Variants in PAPPA observed in about 807,000 individuals in gnomAD.
The protein encoded by PAPPA is pappalysin 1, also known as pappalysin-1.
A neutral mutation model predicts 164.0 loss-of-function variants in PAPPA; 60 were observed. The observed-to-expected ratio is 0.37, with a 90% CI of 0.30 to 0.45. The LOEUF (loss-of-function observed/expected upper bound fraction) is 0.45, where lower values mean the gene tolerates loss of function less well. PAPPA is among the 20% of genes least tolerant of loss of function. The probability of loss-of-function intolerance (pLI) is 1.00; values close to 1 mark genes in which losing one functional copy is unlikely to be tolerated. For missense variants in PAPPA, 1,782 were observed against 2,087.3 expected (o/e 0.85, Z 2.85); for synonymous variants, 875 against 814.1 (o/e 1.07, Z -1.27).
rs1237936386 is a variant in PAPPA at position 116,400,007 on chromosome 9, T to A, written c.*3391T>A. 1.3e-5 allele frequency: 2 copies of A among 152,400 alleles called. No homozygotes were observed. Among genetic ancestry groups the A allele is most frequent in the African/African-American group, 4.8e-5 (2 of 41,380 alleles). The allele number at this position is 152,400 out of a possible 1,614,324, so 9.4% of individuals were successfully genotyped here. ...GTAATTGTCAATTTGTTGTTATAGG[T>A]CTTACCTGTGTGAAAGAAAGAAAAA... On this transcript the variant is annotated 3_prime_UTR_variant, in exon 22 of 22. Transcript: ENST00000328252.
At chr9:116,295,261 T>C (rs1023560999) in intron 9 of PAPPA, among the ~76,000 whole-genome samples, 1 of 151,996 alleles carries the variant, frequency 6.6e-6, no homozygotes, top group African/African-American at 2.4e-5. Context: ...AATTATATAT[T>C]GAAAAGTGGG....
At chr9:116,192,899 T>C (rs1844060279) in intron 2 of PAPPA, among the ~76,000 whole-genome samples, 1 of 152,142 alleles carries the variant, frequency 6.6e-6, no homozygotes, top group South Asian at 2.1e-4. Context: ...CTGAAGACTG[T>C]AGCTACCTCA....
intron 13 of PAPPA, among the ~76,000 whole-genome samples, chr9:116,335,865 T>C (rs959084439): frequency 1.3e-5 from 2 of 152,226 alleles, no homozygotes; most frequent in Non-Finnish European, 2.9e-5. Context: ...GGGTTACATG[T>C]TGCACTATAG....
intron 17 of PAPPA, among the ~76,000 whole-genome samples, chr9:116,359,160 G>C (rs1482659826): frequency 6.6e-6 from 1 of 152,152 alleles, no homozygotes; most frequent in Non-Finnish European, 1.5e-5. Context: ...CATGACACTA[G>C]CATCATTTGA....
Position 116,331,269 on chromosome 9 carries a change from T to C in PAPPA, c.3173T>C (p.Leu1058Pro). ...GTGTGTCGAACCAAGGTGATAGATC[T>C]CAGTGAAGGCATTTCCCAGCATGCC... is the stretch of plus-strand genomic sequence containing the variant. ...SQVCRTKVID[L>P]SEGISQHAWY... The change falls in exon 11 of 22, where the codon CTC becomes CCC. Residue 1058 changes from leucine (L) to proline (P), a missense_variant. Coordinates refer to ENST00000328252, the MANE Select transcript of PAPPA (RefSeq NM_002581.5). The C allele has an allele frequency of 6.2e-7, 1 of 1,611,950 alleles. No individual in the cohort carries two copies. The highest frequency in any genetic ancestry group is 8.5e-7 in the Non-Finnish European group (1 of 1,178,038).
In PAPPA at chr9:116,396,730, C is replaced by A; in HGVS notation, c.*114C>A. The A allele has an allele frequency of 1.5e-6, 1 of 660,630 alleles. No homozygotes were observed. The highest frequency in any genetic ancestry group is 2.8e-6 in the Non-Finnish European group (1 of 361,188). 40.9% of individuals were successfully genotyped at this position (660,630 alleles called of 1,614,324 possible). On this transcript the variant is annotated 3_prime_UTR_variant, in exon 22 of 22. Coordinates refer to ENST00000328252, the MANE Select transcript of PAPPA (RefSeq NM_002581.5). ...GCCTCTCCACACCAGGGATCCTTAGCACCCAACCGGTCTGCCTTTAATTTT... is the reference window on the plus strand; with the variant it reads ...GCCTCTCCACACCAGGGATCCTTAGAACCCAACCGGTCTGCCTTTAATTTT...
Position 116,261,795 on chromosome 9 carries a change from C to G in PAPPA, c.2733-4062C>G, listed in dbSNP as rs569299206. On this transcript the variant is annotated intron_variant, in intron 7 of 21. Coordinates refer to ENST00000328252, the MANE Select transcript of PAPPA (RefSeq NM_002581.5). ...AGATCATATCAACCAGAAATGCCAG[C>G]ATTTTTGTTTCTAATTATCAGAAAT... Among the ~76,000 whole-genome samples, 241 of 152,240 alleles carry G rather than the reference C, an allele frequency of 1.6e-3. 2 individuals carry two copies. In the South Asian group the frequency reaches 0.023, roughly 14 times the overall value.
chr9:116,389,660 T>G (rs928265009), intron 21 of PAPPA, among the ~76,000 whole-genome samples: 1 of 152,112 alleles, frequency 6.6e-6, no homozygotes, highest in African/African-American at 2.4e-5. Flanking sequence ...GCAATTTCTT[T>G]GGCTAAGAAC....
Position 116,231,627 on chromosome 9 carries a change from ATAGT to A in PAPPA, c.2234-3509_2234-3506del, listed in dbSNP as rs371745663. On this transcript the variant is annotated intron_variant, in intron 6 of 21. Coordinates refer to ENST00000328252, the MANE Select transcript of PAPPA (RefSeq NM_002581.5). ...TACCTCTGGACACACCTGGCACTGA[ATAGT>A]TACTCTTTGAATGCATGGAATGAAT... is the stretch of plus-strand genomic sequence containing the variant. 2.0e-4 allele frequency among the ~76,000 whole-genome samples: 30 copies of A among 152,006 alleles called. No homozygotes were observed. The East Asian group carries it at 5.6e-3, about 28-fold the overall frequency.
intron 9 of PAPPA, among the ~76,000 whole-genome samples, chr9:116,280,873 G>A (rs1460304559): frequency 6.6e-6 from 1 of 152,192 alleles, no homozygotes; most frequent in Non-Finnish European, 1.5e-5. Context: ...GGACCACAAA[G>A]CCAAAATATT....
intron 7 of PAPPA, among the ~76,000 whole-genome samples, chr9:116,262,159 G>A (rs1386395741): frequency 4.0e-5 from 6 of 151,204 alleles, no homozygotes; most frequent in Non-Finnish European, 7.4e-5. Flanking sequence ...AGGCTACAGT[G>A]AGAGCTGTGA....
At chr9:116,204,506 C>T (rs1844208645) in intron 2 of PAPPA, among the ~76,000 whole-genome samples, 1 of 152,178 alleles carries the variant, frequency 6.6e-6, no homozygotes, top group South Asian at 2.1e-4. Flanking sequence ...CCTTGAACTC[C>T]TGGGCCCAAG....
At chr9:116,167,128 A>G (rs1843727477) in intron 1 of PAPPA, among the ~76,000 whole-genome samples, 1 of 149,940 alleles carries the variant, frequency 6.7e-6, no homozygotes, top group Non-Finnish European at 1.5e-5. Flanking sequence ...CCCACCTTTA[A>G]CTAGTCCTTT....
chr9:116,389,497 G>A (rs989532298), intron 21 of PAPPA, among the ~76,000 whole-genome samples: 1 of 152,112 alleles, frequency 6.6e-6, no homozygotes, highest in Non-Finnish European at 1.5e-5. Context: ...GGGAAAATGT[G>A]GGTGCTTTGC....
Position 116,235,430 on chromosome 9 carries a change from G to C in PAPPA, c.2525G>C (p.Arg842Thr). The change falls in exon 7 of 22, where the codon AGA (arginine) becomes ACA (threonine). Residue 842 changes from arginine to threonine, a missense_variant. Around this residue, in one of 2 missense-constraint regions of PAPPA, gnomAD observed 1,324 missense variants for 1,656.9 expected, o/e 0.80. Transcript: ENST00000328252. ...NVFCDVPLTI[R>T]LWDVGEEVYG... Reference sequence around the variant, plus strand: ...TTCTGTGATGTCCCACTGACCATCAGACTCTGGGACGTGGGCGAGGAGGTG... The same window carrying C: ...TTCTGTGATGTCCCACTGACCATCACACTCTGGGACGTGGGCGAGGAGGTG... The C allele has an allele frequency of 6.2e-7, 1 of 1,613,816 alleles. No homozygotes were observed. Among genetic ancestry groups the C allele is most frequent in the East Asian group, 2.2e-5 (1 of 44,814 alleles).
chr9:116,365,550 C>CA (rs1846489292), intron 18 of PAPPA, among the ~76,000 whole-genome samples: 1 of 51,776 alleles, frequency 1.9e-5, no homozygotes, highest in South Asian at 1.4e-3. Context: ...TTTTGACAAC[C>CA]GTTTTTTTTT....
At chr9:116,296,473 G>A (rs1333988179) in intron 9 of PAPPA, among the ~76,000 whole-genome samples, 3 of 152,138 alleles carry the variant, frequency 2.0e-5, no homozygotes, top group Non-Finnish European at 4.4e-5. Context: ...CTACCGTGAA[G>A]GACTCCACAA....
Position 116,154,031 on chromosome 9 carries a change from A to G in PAPPA, c.-142A>G, listed in dbSNP as rs1041233289. On this transcript the variant is annotated 5_prime_UTR_variant, in exon 1 of 22. Coordinates refer to ENST00000328252, the MANE Select transcript of PAPPA (RefSeq NM_002581.5). This position sits in a 1 kb window ranked among gnomAD's most constrained non-coding sequence, Gnocchi z 5.2. ...CACACCTTGAGGAGGAAAGCGAGAA[A>G]GAAAAGAAAAAAGCAAGTGGAAAGG... The G allele has an allele frequency of 9.4e-7, 1 of 1,065,470 alleles. No individual in the cohort carries two copies. The highest frequency in any genetic ancestry group is 1.2e-6 in the Non-Finnish European group (1 of 851,188). The allele number at this position is 1,065,470 out of a possible 1,614,324, so 66.0% of individuals were successfully genotyped here.
intron 20 of PAPPA, among the ~76,000 whole-genome samples, chr9:116,380,880 G>A (rs1846722090): frequency 6.6e-6 from 1 of 152,222 alleles, no homozygotes; most frequent in Non-Finnish European, 1.5e-5. Context: ...CACATGGGAT[G>A]GAGCTTGGTT....
Sources: gnomAD v4.1 joint callset for allele counts (sites outside exome capture counted in the v4.1 genomes callset) on GRCh38, gnomAD v4.1.1 for gene constraint, gnomAD v4.1.1 regional missense constraint, Gnocchi (gnomAD v3.1) non-coding constraint, MANE v1.5 for transcripts, NCBI Gene and HGNC (gene_info 2026-07-23, HGNC 2026-07-21) for gene names.